Variants in GALNT10 observed in about 807,000 individuals in gnomAD.
GALNT10 encodes GalNAc transferase 10.
Under a neutral mutation model 75.0 loss-of-function variants are expected in GALNT10, and 41 were observed. That is an observed-to-expected ratio of 0.55 (90% confidence interval 0.43 to 0.71). The LOEUF (loss-of-function observed/expected upper bound fraction) is 0.71, where lower values mean the gene tolerates loss of function less well. GALNT10 is among the 30% of genes least tolerant of loss of function. The probability of loss-of-function intolerance (pLI) is 0.00; values close to 1 mark genes in which losing one functional copy is unlikely to be tolerated. For missense variants in GALNT10, 727 were observed against 818.5 expected, an observed-to-expected ratio of 0.89 and a Z score of 1.36; for synonymous variants, 302 against 313.0, an observed-to-expected ratio of 0.96 and a Z score of 0.37.
chr5:154,299,991 C>T (rs1754337372), intron 3 of GALNT10, among the ~76,000 whole-genome samples: 1 of 152,140 alleles, frequency 6.6e-6, no homozygotes, highest in Non-Finnish European at 1.5e-5. Flanking sequence ...TGTGCCACCA[C>T]TGCTGGTGAA....
chr5:154,257,433 C>T (rs558579723), intron 1 of GALNT10, among the ~76,000 whole-genome samples: 64 of 152,262 alleles, frequency 4.2e-4, no homozygotes, highest in African/African-American at 1.5e-3. Flanking sequence ...CATTTTTAAA[C>T]GACATTTGTC....
At chr5:154,316,784 G>C (rs1754599490) in intron 3 of GALNT10, among the ~76,000 whole-genome samples, 1 of 152,184 alleles carries the variant, frequency 6.6e-6, no homozygotes, top group African/African-American at 2.4e-5. Context: ...AATGTTTTGA[G>C]TCATGAGCTG....
chr5:154,413,006 G>GT lies in GALNT10; in HGVS notation c.1503+2dup. 2.5e-6 allele frequency: 4 copies of GT among 1,585,424 alleles called. No individual in the cohort carries two copies. Among genetic ancestry groups the GT allele is most frequent in the Non-Finnish European group, 3.5e-6 (4 of 1,155,244 alleles). On this transcript the variant is annotated splice_donor_variant, in intron 10 of 11. Coordinates refer to ENST00000297107, the MANE Select transcript of GALNT10 (RefSeq NM_198321.4). LOFTEE classifies it high-confidence loss of function. ...GGAGGCTGCCTGGAACAACATGCAG[G>GT]TAAGGGCCGCCCCTCAGGGACTGGC...
intron 1 of GALNT10, among the ~76,000 whole-genome samples, chr5:154,226,096 C>T (rs1031375221): frequency 8.6e-5 from 13 of 150,916 alleles, no homozygotes; most frequent in Admixed American, 4.6e-4. Flanking sequence ...AACAGACCTG[C>T]GTATTGTGCA....
chr5:154,247,569 G>A (rs529342290), intron 1 of GALNT10, among the ~76,000 whole-genome samples: 301 of 152,042 alleles, frequency 2.0e-3, no homozygotes, highest in African/African-American at 6.8e-3. Flanking sequence ...TCTCTTTGAA[G>A]CAATTGTGAA....
intron 1 of GALNT10, among the ~76,000 whole-genome samples, chr5:154,249,655 C>G (rs1354912857): frequency 6.6e-6 from 1 of 152,130 alleles, no homozygotes; most frequent in Non-Finnish European, 1.5e-5. Flanking sequence ...GCCAAGACAC[C>G]TGCCCCAAAC....
At chr5:154,200,264 C>T (rs1026637346) in intron 1 of GALNT10, among the ~76,000 whole-genome samples, 8 of 152,296 alleles carry the variant, frequency 5.3e-5, no homozygotes, top group East Asian at 1.9e-4. Context: ...ATGCTGCACT[C>T]GGGCAGCCTC....
In GALNT10 at chr5:154,419,293, T is replaced by G. The variant is rs2113235015; in HGVS notation, c.*2321T>G. 6.6e-6 allele frequency: 1 copy of G among 152,234 alleles called. No individual in the cohort carries two copies. Among genetic ancestry groups the G allele is most frequent in the African/African-American group, 2.4e-5 (1 of 41,520 alleles). The allele number at this position is 152,234 out of a possible 1,614,324, so 9.4% of individuals were successfully genotyped here. On this transcript the variant is annotated 3_prime_UTR_variant, in exon 12 of 12. Transcript: ENST00000297107. The stretch of plus-strand genomic sequence containing the variant: ...CGTTTAGTCTGTGGCCTAGAAGACC[T>G]CATCAGCCCCCGAGAGGAGGCCTTG...
intron 4 of GALNT10, among the ~76,000 whole-genome samples, chr5:154,343,169 G>C (rs1156327912): frequency 6.6e-6 from 1 of 152,130 alleles, no homozygotes; most frequent in East Asian, 1.9e-4. Context: ...GTTGTAACCA[G>C]CTTTCTGAGG....
chr5:154,266,535 A>G (rs1395039117), intron 1 of GALNT10, among the ~76,000 whole-genome samples: 4 of 151,394 alleles, frequency 2.6e-5, no homozygotes, highest in Admixed American at 6.6e-5. Context: ...TTTTCCCAAC[A>G]ATCTACAGTC....
At chr5:154,251,360 C>T (rs1753519363) in intron 1 of GALNT10, among the ~76,000 whole-genome samples, 1 of 152,176 alleles carries the variant, frequency 6.6e-6, no homozygotes. Flanking sequence ...GTTTCCCCTT[C>T]ATTTTTTCTT....
chr5:154,261,562 C>T (rs1753698896), intron 1 of GALNT10, among the ~76,000 whole-genome samples: 1 of 152,184 alleles, frequency 6.6e-6, no homozygotes. Flanking sequence ...TAAGCAGGCC[C>T]TAGGTGAGAG....
At chr5:154,356,430 G>C in intron 4 of GALNT10, 1 of 292,828 alleles carries the variant, frequency 3.4e-6, no homozygotes, top group Non-Finnish European at 6.8e-6. Context: ...AGGGCTGGGG[G>C]AGGGAGCCTC....
chr5:154,279,248 G>A (rs908425803), intron 1 of GALNT10, among the ~76,000 whole-genome samples: 9 of 151,484 alleles, frequency 5.9e-5, no homozygotes, highest in African/African-American at 2.2e-4. Context: ...TAGCCTAGCA[G>A]GTGTAAAATG....
intron 7 of GALNT10, among the ~76,000 whole-genome samples, chr5:154,393,653 G>T (rs1363325953): frequency 6.6e-6 from 1 of 152,132 alleles, no homozygotes; most frequent in Non-Finnish European, 1.5e-5. Context: ...GGGCAACACA[G>T]TGAGACCTCA....
At chr5:154,266,573 T>TAAAA (rs70978533) in intron 1 of GALNT10, among the ~76,000 whole-genome samples, 2,950 of 141,760 alleles carry the variant, frequency 0.021, 80 homozygotes, top group East Asian at 0.085. Flanking sequence ...AGACTATCAT[T>TAAAA]AAAAAAAAAA....
intron 4 of GALNT10, 48 bp downstream of exon 4, chr5:154,329,786 G>A (rs753920212): frequency 5.9e-5 from 84 of 1,425,924 alleles, no homozygotes; most frequent in Non-Finnish European, 7.2e-5. Context: ...TTCATCTGGC[G>A]ACTCACCAAA....
At chr5:154,309,021 A>G (rs1754473257) in intron 3 of GALNT10, among the ~76,000 whole-genome samples, 1 of 152,206 alleles carries the variant, frequency 6.6e-6, no homozygotes, top group African/African-American at 2.4e-5. Context: ...TTGATTTTTT[A>G]GATAGCAATA....
intron 4 of GALNT10, among the ~76,000 whole-genome samples, chr5:154,350,890 G>C (rs756655334): frequency 6.6e-6 from 1 of 152,198 alleles, no homozygotes; most frequent in African/African-American, 2.4e-5. Context: ...GGGTACACCA[G>C]AATCACCAGG....
Sources: gnomAD v4.1 joint callset for allele counts (sites outside exome capture counted in the v4.1 genomes callset) on GRCh38, gnomAD v4.1.1 for gene constraint, MANE v1.5 for transcripts, NCBI Gene and HGNC (gene_info 2026-07-23, HGNC 2026-07-21) for gene names.